COL5A1: variants seen among roughly 807,000 people sequenced by gnomAD.
The protein encoded by COL5A1 is collagen alpha-1(V) chain.
A neutral mutation model predicts 263.7 loss-of-function variants in COL5A1; 16 were observed. That is an observed-to-expected ratio of 0.06 (90% CI 0.04 to 0.09). The LOEUF is 0.09. Among genes scored for constraint, COL5A1 ranks in the 10% least tolerant of loss-of-function variants. The pLI is 1.00. For missense variants in COL5A1, 2,036 were observed against 2,540.5 expected, an observed-to-expected ratio of 0.80 and a Z score of 4.27; for synonymous variants, 1,012 against 1,004.5, an observed-to-expected ratio of 1.01 and a Z score of -0.14.
In COL5A1 at chr9:134,823,162, C is replaced by G. The variant is rs114653197; in HGVS notation, c.4644+129C>G. 5,104 of 1,185,132 alleles carry G rather than the reference C, an allele frequency of 4.3e-3. 180 individuals carry two copies. The African/African-American group carries it at 0.067, about 15-fold the overall frequency. 73.4% of individuals were successfully genotyped at this position (1,185,132 alleles called of 1,614,324 possible). A position where few individuals can be genotyped will look rare whatever the true frequency, so the allele number is the denominator to read the frequency against. On this transcript the variant is annotated intron_variant, in intron 60 of 65. Coordinates refer to ENST00000371817, the MANE Select transcript of COL5A1 (RefSeq NM_000093.5). Reference sequence around the variant, plus strand: ...GCCCTGCTGCTCACGATCCTCCCATCTTTCTACACTGACCCATGGCGGACT... The same window carrying G: ...GCCCTGCTGCTCACGATCCTCCCATGTTTCTACACTGACCCATGGCGGACT...
intron 53 of COL5A1, 49 bp downstream of exon 53, chr9:134,817,128 C>T (rs774269213): frequency 1.5e-5 from 23 of 1,513,828 alleles, no homozygotes; most frequent in Non-Finnish European, 2.0e-5. Flanking sequence ...CTGCATGAAA[C>T]ACCCCCGCCC....
At position 134,818,627 on chromosome 9, in the gene COL5A1, A is replaced by C. The variant is rs533622749; in HGVS notation, c.4231-29A>C. On this transcript the variant is annotated intron_variant, in intron 54 of 65. Coordinates refer to ENST00000371817, the MANE Select transcript of COL5A1 (RefSeq NM_000093.5). This position sits in a 1 kb window ranked among gnomAD's most constrained non-coding sequence, Gnocchi z 6.0. ...GGGTGCCTGGAGCCTAGAGCTCCGG[A>C]CCTCATTCTGCCCTCCGCCGTCCTG... 1 of 1,555,178 alleles carries C rather than the reference A, an allele frequency of 6.4e-7. No individual in the cohort carries two copies. The highest frequency in any genetic ancestry group is 8.8e-7 in the Non-Finnish European group (1 of 1,135,434).
rs1335863400 is a variant in COL5A1 at position 134,802,868 on chromosome 9, G to A, written c.3007-20G>A. ...CAAGTCACTCGAAACGTCTGTGGCTGACACTGATTTTCCCCACAGGGTCCC... is the reference window on the plus strand; with the variant it reads ...CAAGTCACTCGAAACGTCTGTGGCTAACACTGATTTTCCCCACAGGGTCCC... On this transcript the variant is annotated intron_variant, in intron 38 of 65. Transcript: ENST00000371817. The A allele has an allele frequency of 5.7e-6, 9 of 1,575,612 alleles. No individual in the cohort carries two copies. Among genetic ancestry groups the A allele is most frequent in the Non-Finnish European group, 7.8e-6 (9 of 1,147,326 alleles).
intron 36 of COL5A1, among the ~76,000 whole-genome samples, chr9:134,797,963 T>C (rs1035498196): frequency 2.0e-5 from 3 of 152,232 alleles, no homozygotes; most frequent in African/African-American, 7.2e-5. Context: ...CACGTCGCCT[T>C]ATGGCAGGTG....
intron 4 of COL5A1, among the ~76,000 whole-genome samples, chr9:134,725,613 T>C (rs1834619250): frequency 6.6e-6 from 1 of 152,180 alleles, no homozygotes; most frequent in African/African-American, 2.4e-5. Context: ...CACATTGTGG[T>C]GAGAGAATAA....
chr9:134,654,072 G>T (rs1251951435), intron 1 of COL5A1, among the ~76,000 whole-genome samples: 1 of 142,774 alleles, frequency 7.0e-6, no homozygotes, highest in Non-Finnish European at 1.5e-5. Flanking sequence ...GCAGGGCTGG[G>T]TGTGTGTAGG....
At chr9:134,693,654 T>C (rs1434807579) in intron 2 of COL5A1, among the ~76,000 whole-genome samples, 1 of 152,170 alleles carries the variant, frequency 6.6e-6, no homozygotes, top group Non-Finnish European at 1.5e-5. Flanking sequence ...GGACATCATT[T>C]GCCTTTGAAT....
At chr9:134,744,480 C>A (rs568310470) in intron 11 of COL5A1, among the ~76,000 whole-genome samples, 3 of 152,046 alleles carry the variant, frequency 2.0e-5, no homozygotes, top group Non-Finnish European at 4.4e-5. Context: ...TACACGTATG[C>A]ATGCACAGTC....
intron 4 of COL5A1, among the ~76,000 whole-genome samples, chr9:134,706,050 C>A (rs1422502438): frequency 6.6e-6 from 1 of 152,226 alleles, no homozygotes; most frequent in East Asian, 1.9e-4. Flanking sequence ...CAGAGTGCCC[C>A]TGTGGAGCTG....
At chr9:134,815,817 G>A in intron 51 of COL5A1, 118 bp from the exon 52 acceptor site, 1 of 1,357,666 alleles carries the variant, frequency 7.4e-7, no homozygotes, top group Non-Finnish European at 1.0e-6. Flanking sequence ...ACCATGCTCT[G>A]TGCTGGCACC....
At chr9:134,778,653 C>T (rs1837138588) in intron 27 of COL5A1, among the ~76,000 whole-genome samples, 1 of 152,254 alleles carries the variant, frequency 6.6e-6, no homozygotes, top group South Asian at 2.1e-4. Flanking sequence ...TCCGAGCCCA[C>T]CTTGCCCTCC....
chr9:134,766,409 C>A lies in COL5A1; in HGVS notation c.2089-45C>A, dbSNP rs1463762430. ...ATTTTCCTCTTGAGCACTGTGAGTT[C>A]TTTCGCATTCAGTTACATGTTTTTC... On this transcript the variant is annotated intron_variant, in intron 21 of 65. Transcript: ENST00000371817. 2.5e-6 allele frequency: 4 copies of A among 1,602,264 alleles called. No individual in the cohort carries two copies. The Admixed American group carries it at 5.0e-5, about 20-fold the overall frequency.
intron 22 of COL5A1, 45 bp downstream of exon 22, chr9:134,766,543 C>T: frequency 6.3e-7 from 1 of 1,588,456 alleles, no homozygotes; most frequent in Non-Finnish European, 8.6e-7. Context: ...GGCACTTTCC[C>T]TGGGCACACT....
At chr9:134,833,056 C>T (rs191821392) in intron 64 of COL5A1, among the ~76,000 whole-genome samples, 78 of 152,338 alleles carry the variant, frequency 5.1e-4, no homozygotes, top group African/African-American at 1.7e-3. Flanking sequence ...TAGGAGTGGG[C>T]AGAGCAGGTC....
At chr9:134,823,564 G>C (rs1839116293) in intron 61 of COL5A1, 95 bp downstream of exon 61, 1 of 1,319,528 alleles carries the variant, frequency 7.6e-7, no homozygotes, top group African/African-American at 1.4e-5. Context: ...CCCCTCCTGA[G>C]ACTCATGAAG....
chr9:134,646,302 G>T (rs1831473149), intron 1 of COL5A1, among the ~76,000 whole-genome samples: 1 of 152,090 alleles, frequency 6.6e-6, no homozygotes, highest in African/African-American at 2.4e-5. Context: ...CAGTCTGGGA[G>T]GGTTAATTGC....
chr9:134,781,192 C>T (rs1837237728), intron 28 of COL5A1, among the ~76,000 whole-genome samples: 1 of 152,374 alleles, frequency 6.6e-6, no homozygotes, highest in East Asian at 1.9e-4. Flanking sequence ...GCAGCAGGAA[C>T]GCTCTTGTTC....
At chr9:134,786,766 C>A (rs904393720) in intron 31 of COL5A1, among the ~76,000 whole-genome samples, 2 of 152,184 alleles carry the variant, frequency 1.3e-5, no homozygotes, top group African/African-American at 4.8e-5. Flanking sequence ...CAGCTGCCTG[C>A]ACTGGAGACA....
rs749338121 is a variant in COL5A1, at chr9:134,796,433, C to A, written c.2844+15C>A. On this transcript the variant is annotated intron_variant, in intron 35 of 65. Coordinates refer to ENST00000371817, the MANE Select transcript of COL5A1 (RefSeq NM_000093.5). ...CTGGTGAACGGGTAAGCAGCTGGAG[C>A]CTTCGGGGGTGTCTCCAAGGGCAGA... 5 of 1,613,836 alleles carry A rather than the reference C, an allele frequency of 3.1e-6. No individual in the cohort carries two copies. The highest frequency in any genetic ancestry group is 4.2e-6 in the Non-Finnish European group (5 of 1,179,804).
Sources: gnomAD v4.1 joint callset for allele counts (sites outside exome capture counted in the v4.1 genomes callset) on GRCh38, gnomAD v4.1.1 for gene constraint, Gnocchi (gnomAD v3.1) non-coding constraint, MANE v1.5 for transcripts, NCBI Gene and HGNC (gene_info 2026-07-23, HGNC 2026-07-21) for gene names.